Variants in LHFPL3 observed in about 807,000 individuals in gnomAD.
The protein encoded by LHFPL3 is LHFPL tetraspan subfamily member 3, also known as LHFPL tetraspan subfamily member 3 protein.
LHFPL3 carries 5 observed loss-of-function variants against 19.3 expected under a neutral mutation model. That is an observed-to-expected ratio of 0.26 (90% confidence interval 0.14 to 0.54). The LOEUF (loss-of-function observed/expected upper bound fraction) is 0.54. LHFPL3 is among the 20% of genes least tolerant of loss of function. The probability of loss-of-function intolerance (pLI) is 0.94; values close to 1 mark genes in which losing one functional copy is unlikely to be tolerated. For synonymous variants in LHFPL3, 133 were observed against 126.2 expected, an observed-to-expected ratio of 1.05 and a Z score of -0.36; for missense variants, 249 against 307.4, an observed-to-expected ratio of 0.81 and a Z score of 1.42.
chr7:104,332,942 G>GA (rs1562866835), intron 1 of LHFPL3, among the ~76,000 whole-genome samples: 1 of 89,770 alleles, frequency 1.1e-5, no homozygotes, highest in South Asian at 4.5e-4. Flanking sequence ...AATTTCTTCA[G>GA]AAGGAAAAAA....
At chr7:104,619,455 G>C (rs1299440233) in intron 1 of LHFPL3, among the ~76,000 whole-genome samples, 1 of 151,458 alleles carries the variant, frequency 6.6e-6, no homozygotes, top group Admixed American at 6.6e-5. Flanking sequence ...TTCTTTGCCA[G>C]TACTCATATT....
At chr7:104,456,026 G>A (rs59222932) in intron 1 of LHFPL3, among the ~76,000 whole-genome samples, 1 of 152,172 alleles carries the variant, frequency 6.6e-6, no homozygotes, top group African/African-American at 2.4e-5. Context: ...TTTGTTTTCT[G>A]TATCTGTCAG....
chr7:104,641,904 A>G (rs539131040), intron 1 of LHFPL3, among the ~76,000 whole-genome samples: 5 of 152,324 alleles, frequency 3.3e-5, no homozygotes, highest in African/African-American at 9.6e-5. Context: ...TGTGATAGGT[A>G]TCTGTTATCT....
At chr7:104,713,524 AACTC>A (rs1438330673) in intron 1 of LHFPL3, among the ~76,000 whole-genome samples, 3 of 152,128 alleles carry the variant, frequency 2.0e-5, no homozygotes, top group Admixed American at 1.3e-4. Context: ...ATCTCATGAG[AACTC>A]ACTCACTATC....
chr7:104,760,881 C>T (rs1794359079), intron 2 of LHFPL3, among the ~76,000 whole-genome samples: 1 of 151,264 alleles, frequency 6.6e-6, no homozygotes, highest in South Asian at 2.1e-4. Context: ...TTTATTTTTA[C>T]AGCTTTTAAA....
chr7:104,742,327 C>G lies in LHFPL3; in HGVS notation c.682+5416C>G, dbSNP rs534286663. Among the ~76,000 whole-genome samples, 23 of 152,296 alleles carry G rather than the reference C, an allele frequency of 1.5e-4. No homozygotes were observed. In the South Asian group the frequency reaches 4.6e-3, roughly 30 times the overall value. Reference sequence around the variant, plus strand: ...CTGAACAATTTTAAAGTTACTTTGTCTTCTAGCACTTAAACTACAAATGAG... The same window carrying G: ...CTGAACAATTTTAAAGTTACTTTGTGTTCTAGCACTTAAACTACAAATGAG... On this transcript the variant is annotated intron_variant, in intron 2 of 2. Coordinates refer to ENST00000424859, the MANE Select transcript of LHFPL3 (RefSeq NM_199000.3).
chr7:104,712,224 C>T (rs1793311285), intron 1 of LHFPL3, among the ~76,000 whole-genome samples: 1 of 152,154 alleles, frequency 6.6e-6, no homozygotes, highest in Non-Finnish European at 1.5e-5. Flanking sequence ...TCAGTTTGGG[C>T]TATTACAACA....
chr7:104,432,365 C>T (rs1275411719), intron 1 of LHFPL3, among the ~76,000 whole-genome samples: 1 of 152,162 alleles, frequency 6.6e-6, no homozygotes, highest in African/African-American at 2.4e-5. Context: ...ACTCTGCTGA[C>T]TTGTGCCTCC....
At chr7:104,495,253 G>A (rs559624260) in intron 1 of LHFPL3, among the ~76,000 whole-genome samples, 7 of 152,276 alleles carry the variant, frequency 4.6e-5, no homozygotes, top group African/African-American at 7.2e-5. Flanking sequence ...TGTTGCCAAC[G>A]TTGGAGTGCA....
intron 1 of LHFPL3, among the ~76,000 whole-genome samples, chr7:104,591,908 G>C (rs571884423): frequency 2.0e-5 from 3 of 151,946 alleles, no homozygotes; most frequent in African/African-American, 7.3e-5. Flanking sequence ...TGATCAAATC[G>C]GCTACTGAAG....
At chr7:104,534,132 C>T (rs1344575896) in intron 1 of LHFPL3, among the ~76,000 whole-genome samples, 1 of 152,192 alleles carries the variant, frequency 6.6e-6, no homozygotes, top group Non-Finnish European at 1.5e-5. Context: ...TCTCCAGTCT[C>T]CTATTTTGTT....
At chr7:104,480,257 T>C (rs999328188) in intron 1 of LHFPL3, among the ~76,000 whole-genome samples, 3 of 152,168 alleles carry the variant, frequency 2.0e-5, no homozygotes, top group South Asian at 2.1e-4. Context: ...ATTGTGAAGA[T>C]TAAATGAGGT....
intron 1 of LHFPL3, among the ~76,000 whole-genome samples, chr7:104,353,013 C>T (rs1432531193): frequency 6.6e-6 from 1 of 152,144 alleles, no homozygotes; most frequent in Admixed American, 6.5e-5. Context: ...CCCGGAAAGG[C>T]GATTATCCCT....
rs188276144 is a variant in LHFPL3 at position 104,435,353 on chromosome 7, G to C, written c.445+106129G>C. Among the ~76,000 whole-genome samples the C allele has an allele frequency of 2.0e-3, 311 of 152,004 alleles. 1 individual carries two copies. Among genetic ancestry groups the C allele is most frequent in the African/African-American group, 7.0e-3 (292 of 41,472 alleles). The stretch of plus-strand genomic sequence containing the variant: ...TTTGTTAGACACTGGGTCTTGCCAG[G>C]CTGCTCTCGACCTCCTGGCCTCAAG... On this transcript the variant is annotated intron_variant, in intron 1 of 2. Coordinates refer to ENST00000424859, the MANE Select transcript of LHFPL3 (RefSeq NM_199000.3).
At chr7:104,864,954 C>T (rs1173428247) in intron 2 of LHFPL3, among the ~76,000 whole-genome samples, 1 of 152,184 alleles carries the variant, frequency 6.6e-6, no homozygotes. Flanking sequence ...TGCTGATAGC[C>T]AGGCAAACAG....
At chr7:104,594,654 C>T (rs1038508359) in intron 1 of LHFPL3, among the ~76,000 whole-genome samples, 13 of 152,180 alleles carry the variant, frequency 8.5e-5, no homozygotes, top group Non-Finnish European at 1.3e-4. Context: ...TTCCATTCTC[C>T]CCATCACTTT....
At chr7:104,845,352 C>G in intron 2 of LHFPL3, 2 of 1,271,656 alleles carry the variant, frequency 1.6e-6, no homozygotes, top group East Asian at 5.0e-5. Flanking sequence ...TTACCTTTAA[C>G]CGTTCTGTTT....
chr7:104,549,578 G>A (rs1167931746), intron 1 of LHFPL3, among the ~76,000 whole-genome samples: 1 of 151,942 alleles, frequency 6.6e-6, no homozygotes, highest in African/African-American at 2.4e-5. Flanking sequence ...GGACATTTCT[G>A]TCAAGATTTT....
intron 1 of LHFPL3, among the ~76,000 whole-genome samples, chr7:104,628,377 G>A (rs568812748): frequency 2.0e-4 from 30 of 152,268 alleles, no homozygotes; most frequent in Admixed American, 5.2e-4. Context: ...TCAAAATACA[G>A]CACTGCCCTG....
Sources: allele counts gnomAD v4.1 joint callset (sites outside exome capture counted in the v4.1 genomes callset), GRCh38; gene constraint gnomAD v4.1.1; transcripts MANE v1.5; gene names NCBI Gene and HGNC (gene_info 2026-07-23, HGNC 2026-07-21).